The following KIAA1671 variants were observed in gnomAD, a reference collection of about 807,000 sequenced individuals.
The protein encoded by KIAA1671 is uncharacterized protein KIAA1671.
KIAA1671 carries 52 observed loss-of-function variants against 131.2 expected under a neutral mutation model. The observed-to-expected ratio is 0.40, with a 90% CI of 0.32 to 0.50. KIAA1671 has a LOEUF of 0.50. KIAA1671 is among the 20% of genes least tolerant of loss of function. The pLI is 0.73. For missense variants in KIAA1671, 2,360 were observed against 2,364.2 expected, an observed-to-expected ratio of 1.00 and a Z score of 0.04; for synonymous variants, 1,003 against 961.6, an observed-to-expected ratio of 1.04 and a Z score of -0.80.
At chr22:25,083,796 T>C (rs996092034) in intron 6 of KIAA1671, among the ~76,000 whole-genome samples, 2 of 152,230 alleles carry the variant, frequency 1.3e-5, no homozygotes, top group Non-Finnish European at 2.9e-5. Flanking sequence ...AAGACCCAGA[T>C]AGCAGGGAAG....
chr22:24,971,293 T>C (rs1922602732), intron 1 of KIAA1671, among the ~76,000 whole-genome samples: 1 of 152,186 alleles, frequency 6.6e-6, no homozygotes, highest in Admixed American at 6.5e-5. Flanking sequence ...GCTGTCTGAT[T>C]CCACATGGGA....
In KIAA1671 at chr22:25,174,360, C is replaced by G; in HGVS notation, c.4770C>G (p.Cys1590Trp). 6.4e-7 allele frequency: 1 copy of G among 1,552,038 alleles called. No homozygotes were observed. Among genetic ancestry groups the G allele is most frequent in the African/African-American group, 1.4e-5 (1 of 73,146 alleles). ...EPTSAGDQYD[C>W]SRDQRSTSVD... ...CCTCGGCAGGGGACCAGTATGACTG[C>G]TCCAGGGACCAGCGGAGCACCAGCG... Residue 1590 changes from cysteine (C) to tryptophan (W), a missense_variant, in exon 8 of 13, where the codon TGC becomes TGG. Around this residue, in one of 3 missense-constraint regions of KIAA1671, gnomAD observed 1,161 missense variants for 1,204.7 expected, o/e 0.96. Coordinates refer to ENST00000358431, the MANE Select transcript of KIAA1671 (RefSeq NM_001145206.2).
chr22:25,122,129 C>T (rs1176833551), intron 6 of KIAA1671, among the ~76,000 whole-genome samples: 1 of 152,150 alleles, frequency 6.6e-6, no homozygotes, highest in Non-Finnish European at 1.5e-5. Flanking sequence ...TGTGGAACTG[C>T]AGCACAACGC....
intron 1 of KIAA1671, among the ~76,000 whole-genome samples, chr22:24,996,219 G>A (rs1332557299): frequency 6.6e-6 from 1 of 151,544 alleles, no homozygotes; most frequent in South Asian, 2.1e-4. Context: ...TCTCGGTGGA[G>A]GGCTCCCTCT....
intron 1 of KIAA1671, among the ~76,000 whole-genome samples, chr22:24,957,835 G>A (rs1173916517): frequency 6.6e-6 from 1 of 151,428 alleles, no homozygotes; most frequent in East Asian, 1.9e-4. Context: ...GTGCCACCAC[G>A]CCTGGCTAAT....
intron 1 of KIAA1671, among the ~76,000 whole-genome samples, chr22:24,997,807 C>T (rs749034773): frequency 1.3e-5 from 2 of 152,238 alleles, no homozygotes; most frequent in Non-Finnish European, 2.9e-5. Flanking sequence ...GATGTAATCA[C>T]GCATATCAAG....
intron 6 of KIAA1671, among the ~76,000 whole-genome samples, chr22:25,109,055 G>C (rs1931190784): frequency 6.6e-6 from 1 of 152,066 alleles, no homozygotes; most frequent in African/African-American, 2.4e-5. Context: ...CCTCAGAGAA[G>C]AAGGTAGAAA....
intron 6 of KIAA1671, chr22:25,064,239 A>G (rs1928342306): frequency 6.6e-6 from 1 of 152,032 alleles, no homozygotes; most frequent in Non-Finnish European, 1.5e-5. Flanking sequence ...AATTTTTGTT[A>G]TAGTAGAGAC....
At chr22:25,086,483 G>A (rs1050596911) in intron 6 of KIAA1671, among the ~76,000 whole-genome samples, 1 of 152,196 alleles carries the variant, frequency 6.6e-6, no homozygotes, top group Non-Finnish European at 1.5e-5. Flanking sequence ...AATGTATCTC[G>A]TTCATCTTTT....
intron 6 of KIAA1671, among the ~76,000 whole-genome samples, chr22:25,141,780 C>G (rs1451033544): frequency 6.6e-6 from 1 of 152,152 alleles, no homozygotes; most frequent in Non-Finnish European, 1.5e-5. Flanking sequence ...CTTTCCCAGC[C>G]TGCTGAAGCC....
chr22:24,963,789 A>T (rs1285186889), intron 1 of KIAA1671, among the ~76,000 whole-genome samples: 1 of 151,642 alleles, frequency 6.6e-6, no homozygotes, highest in African/African-American at 2.4e-5. Context: ...AAATACAAAA[A>T]ATTAGCCGGG....
At chr22:25,100,041 T>G (rs1056547095) in intron 6 of KIAA1671, among the ~76,000 whole-genome samples, 13 of 152,224 alleles carry the variant, frequency 8.5e-5, no homozygotes, top group African/African-American at 3.1e-4. Flanking sequence ...TCTGGTGGCC[T>G]TGCAGAGGAA....
At chr22:24,997,041 A>G (rs143020286) in intron 1 of KIAA1671, among the ~76,000 whole-genome samples, 20 of 152,136 alleles carry the variant, frequency 1.3e-4, no homozygotes, top group Non-Finnish European at 1.8e-4. Flanking sequence ...TCCCATTCTT[A>G]CCCTCCATGC....
At position 24,976,570 on chromosome 22, in the gene KIAA1671, C is replaced by T. The variant is rs78252167; in HGVS notation, c.-208+23798C>T. On this transcript the variant is annotated intron_variant, in intron 1 of 12. Transcript: ENST00000358431. ...GCTCGAACACCCACTGGCCACCTGC[C>T]AGACTTGGACACTCCCACCTGTGAC... Among the ~76,000 whole-genome samples the T allele has an allele frequency of 3.3e-3, 503 of 152,300 alleles. 1 individual carries two copies. Among genetic ancestry groups the T allele is most frequent in the African/African-American group, 0.011 (477 of 41,566 alleles).
intron 6 of KIAA1671, among the ~76,000 whole-genome samples, chr22:25,164,482 A>G (rs1933569952): frequency 6.6e-6 from 1 of 152,226 alleles, no homozygotes; most frequent in Non-Finnish European, 1.5e-5. Context: ...ATGGAGACCA[A>G]TTCAGGCAGA....
At chr22:24,992,969 A>G (rs976953976) in intron 1 of KIAA1671, among the ~76,000 whole-genome samples, 1 of 152,078 alleles carries the variant, frequency 6.6e-6, no homozygotes, top group Non-Finnish European at 1.5e-5. Context: ...ACCCATGCTC[A>G]TAGAGGTAGG....
chr22:25,032,233 G>A (rs1050305182), intron 3 of KIAA1671, among the ~76,000 whole-genome samples: 23 of 152,292 alleles, frequency 1.5e-4, no homozygotes, highest in Admixed American at 2.6e-4. Context: ...TTCCCTAAAC[G>A]CCCTCACGTA....
At chr22:25,056,963 G>A (rs1927873172) in intron 6 of KIAA1671, 2 of 152,192 alleles carry the variant, frequency 1.3e-5, no homozygotes, top group Admixed American at 6.5e-5. Flanking sequence ...TGTGGCAGAC[G>A]CTGTGCTAAG....
rs151135444 is a variant in KIAA1671 at position 24,971,025 on chromosome 22, T to C, written c.-208+18253T>C. ...CAGGCTGGAGTGCAATGGTGTGATATTGGCTCACTGTATCCTCTGCCTCCC... is the reference window on the plus strand; with the variant it reads ...CAGGCTGGAGTGCAATGGTGTGATACTGGCTCACTGTATCCTCTGCCTCCC... On this transcript the variant is annotated intron_variant, in intron 1 of 12. Transcript: ENST00000358431. Among the ~76,000 whole-genome samples, 3 of 152,318 alleles carry C rather than the reference T, an allele frequency of 2.0e-5. No individual in the cohort carries two copies. In the East Asian group the frequency reaches 5.8e-4, roughly 29 times the overall value.
Sources: gnomAD v4.1 joint callset for allele counts (sites outside exome capture counted in the v4.1 genomes callset) on GRCh38, gnomAD v4.1.1 for gene constraint, gnomAD v4.1.1 regional missense constraint, MANE v1.5 for transcripts, NCBI Gene and HGNC (gene_info 2026-07-23, HGNC 2026-07-21) for gene names.